HMCN1: variants seen among roughly 807,000 people sequenced by gnomAD.
The protein encoded by HMCN1 is hemicentin-1.
In HMCN1, 321 loss-of-function variants were observed where a neutral mutation model predicts 625.9. The observed-to-expected ratio is 0.51, with a 90% confidence interval of 0.47 to 0.56. The LOEUF (loss-of-function observed/expected upper bound fraction) is 0.56. HMCN1 is among the 20% of genes least tolerant of loss of function. The pLI is 0.00. For synonymous variants in HMCN1, 2,425 were observed against 2,417.6 expected (o/e 1.00, Z -0.09); for missense variants, 6,588 against 6,887.3 (o/e 0.96, Z 1.54).
intron 42 of HMCN1, among the ~76,000 whole-genome samples, chr1:186,052,512 T>C (rs1657025285): frequency 6.6e-6 from 1 of 152,074 alleles, no homozygotes; most frequent in South Asian, 2.1e-4. Context: ...CTCTGTTCTT[T>C]AGTATATGTT....
chr1:185,965,662 T>C, intron 13 of HMCN1, 140 bp from the exon 14 acceptor site: 1 of 701,090 alleles, frequency 1.4e-6, no homozygotes, highest in Non-Finnish European at 2.6e-6. Context: ...GCATGTGCAT[T>C]ACAAGAGTTT....
chr1:186,067,138 G>A (rs887895332), intron 49 of HMCN1, among the ~76,000 whole-genome samples: 1 of 152,098 alleles, frequency 6.6e-6, no homozygotes, highest in Non-Finnish European at 1.5e-5. Context: ...CAAGCAAACT[G>A]GAAGTTATAT....
chr1:186,033,091 C>T (rs1655580540), intron 36 of HMCN1, among the ~76,000 whole-genome samples: 1 of 151,902 alleles, frequency 6.6e-6, no homozygotes, highest in Admixed American at 6.6e-5. Flanking sequence ...CACACACACA[C>T]ACACCATGGA....
intron 1 of HMCN1, among the ~76,000 whole-genome samples, chr1:185,782,486 A>C (rs148717841): frequency 2.0e-5 from 3 of 152,068 alleles, no homozygotes; most frequent in Admixed American, 1.3e-4. Flanking sequence ...GGTTGGTATC[A>C]GTTGTTTCTT....
chr1:186,088,479 A>C, intron 62 of HMCN1, 127 bp from the exon 63 acceptor site: 1 of 1,376,338 alleles, frequency 7.3e-7, no homozygotes, highest in Non-Finnish European at 9.7e-7. Context: ...TCTTTTTTAA[A>C]AAAGAAAATG....
At chr1:185,789,822 G>A (rs1657872050) in intron 1 of HMCN1, among the ~76,000 whole-genome samples, 1 of 152,176 alleles carries the variant, frequency 6.6e-6, no homozygotes, top group Non-Finnish European at 1.5e-5. Flanking sequence ...CTCTGCTAGT[G>A]TCAGAGATAA....
Position 186,070,695 on chromosome 1 carries a change from A to G in HMCN1, c.8077A>G (p.Thr2693Ala), listed in dbSNP as rs748871815. 1.2e-6 allele frequency: 2 copies of G among 1,613,896 alleles called. No individual in the cohort carries two copies. The highest frequency in any genetic ancestry group is 2.2e-5 in the South Asian group (2 of 91,074). ...GAAGATCAAAGTAAACAACACTCTG[A>G]CCTTGGAATGTGAAGCGTATGCAAT... ...EVKIKVNNTL[T>A]LECEAYAIPS... Residue 2693 changes from threonine to alanine, a missense_variant, in exon 52 of 107, where the codon ACC becomes GCC. Coordinates refer to ENST00000271588, the MANE Select transcript of HMCN1 (RefSeq NM_031935.3).
intron 52 of HMCN1, among the ~76,000 whole-genome samples, chr1:186,071,112 C>G (rs912908438): frequency 6.6e-6 from 1 of 152,006 alleles, no homozygotes; most frequent in Non-Finnish European, 1.5e-5. Context: ...CATTTTTTTG[C>G]TGTTGTTATT....
chr1:186,180,359 C>A (rs1652859912), intron 104 of HMCN1, among the ~76,000 whole-genome samples: 1 of 152,072 alleles, frequency 6.6e-6, no homozygotes, highest in African/African-American at 2.4e-5. Context: ...AATAGGTTAC[C>A]ATCCCATTCT....
intron 56 of HMCN1, among the ~76,000 whole-genome samples, chr1:186,082,541 C>G (rs182811150): frequency 1.3e-5 from 2 of 152,250 alleles, no homozygotes; most frequent in African/African-American, 4.8e-5. Flanking sequence ...ACAAGACCAA[C>G]ACAAATTCTA....
At chr1:186,013,426 G>A (rs533374556) in intron 30 of HMCN1, among the ~76,000 whole-genome samples, 3 of 152,276 alleles carry the variant, frequency 2.0e-5, no homozygotes, top group Middle Eastern at 3.4e-3. Context: ...TCACCTCAAA[G>A]TATAGTAGAT....
At chr1:185,993,489 T>C in intron 23 of HMCN1, 180 bp downstream of exon 23, 1 of 613,958 alleles carries the variant, frequency 1.6e-6, no homozygotes, top group Non-Finnish European at 2.8e-6. Context: ...TCCTGCTATT[T>C]ATAAACAATC....
At position 185,952,221 on chromosome 1, in the gene HMCN1, A is replaced by T. The variant is rs1217243785; in HGVS notation, c.1829-10297A>T. On this transcript the variant is annotated intron_variant, in intron 11 of 106. Coordinates refer to ENST00000271588, the MANE Select transcript of HMCN1 (RefSeq NM_031935.3). ...TTTTAAGGGTAAATTGCTGGGCAGGAGGGGGAGGGCTAGTCACGGAATGAA... is the reference window on the plus strand; with the variant it reads ...TTTTAAGGGTAAATTGCTGGGCAGGTGGGGGAGGGCTAGTCACGGAATGAA... Among the ~76,000 whole-genome samples, 122 of 150,088 alleles carry T rather than the reference A, an allele frequency of 8.1e-4. 2 individuals carry two copies. The highest frequency in any genetic ancestry group is 1.1e-3 in the Non-Finnish European group (75 of 67,726).
intron 97 of HMCN1, among the ~76,000 whole-genome samples, chr1:186,154,621 G>T (rs1212344084): frequency 2.0e-5 from 3 of 152,144 alleles, no homozygotes; most frequent in African/African-American, 7.2e-5. Flanking sequence ...TGTTTGTCAA[G>T]AAATTTTTTA....
intron 4 of HMCN1, among the ~76,000 whole-genome samples, chr1:185,902,234 T>C (rs1284824007): frequency 6.6e-6 from 1 of 151,454 alleles, no homozygotes; most frequent in African/African-American, 2.4e-5. Flanking sequence ...ATACTTTTTT[T>C]ATATAAATTT....
intron 34 of HMCN1, 104 bp from the exon 35 acceptor site, chr1:186,019,437 T>C (rs1654570529): frequency 1.5e-6 from 1 of 667,608 alleles, no homozygotes; most frequent in African/African-American, 4.9e-5. Context: ...GGGATTTGCT[T>C]TTTTTTTTTC....
In HMCN1 at chr1:185,980,243, A is replaced by C. The variant is rs189056655; in HGVS notation, c.2567-735A>C. 6.6e-5 allele frequency among the ~76,000 whole-genome samples: 10 copies of C among 152,330 alleles called. No individual in the cohort carries two copies. The South Asian group carries it at 8.3e-4, about 13-fold the overall frequency. On this transcript the variant is annotated intron_variant, in intron 16 of 106. Coordinates refer to ENST00000271588, the MANE Select transcript of HMCN1 (RefSeq NM_031935.3). ...GAATATGAAGATACATTTATGTGGC[A>C]TCATTATGAATTCAATAGCTCAAAT...
chr1:185,791,141 A>T (rs1657962403), intron 1 of HMCN1, among the ~76,000 whole-genome samples: 1 of 151,964 alleles, frequency 6.6e-6, no homozygotes, highest in Non-Finnish European at 1.5e-5. Flanking sequence ...GGGCTCCCTT[A>T]CTACCTACAT....
At chr1:185,955,911 A>G (rs1006694280) in intron 11 of HMCN1, among the ~76,000 whole-genome samples, 1 of 152,082 alleles carries the variant, frequency 6.6e-6, no homozygotes, top group Non-Finnish European at 1.5e-5. Context: ...ACTGCCTCCA[A>G]ATGTTATCAT....
Sources: allele counts gnomAD v4.1 joint callset (sites outside exome capture counted in the v4.1 genomes callset), GRCh38; gene constraint gnomAD v4.1.1; transcripts MANE v1.5; gene names NCBI Gene and HGNC (gene_info 2026-07-23, HGNC 2026-07-21).